Variants in PIK3CB observed in about 807,000 individuals in gnomAD.
PIK3CB encodes phosphatidylinositol-4,5-bisphosphate 3-kinase catalytic subunit beta.
In PIK3CB, 39 loss-of-function variants were observed where a neutral mutation model predicts 136.8. That is an observed-to-expected ratio of 0.29 (90% CI 0.22 to 0.37). PIK3CB has a LOEUF of 0.37. Among genes scored for constraint, PIK3CB ranks in the 10% least tolerant of loss-of-function variants. The pLI, the probability that PIK3CB is intolerant of heterozygous loss-of-function variation, is 1.00. For synonymous variants in PIK3CB, 428 were observed against 436.6 expected (o/e 0.98, Z 0.25); for missense variants, 868 against 1,275.4 (o/e 0.68, Z 4.87).
rs2043457803 is a variant in PIK3CB at position 138,668,339 on chromosome 3, C to T, written c.2505-3136G>A. The stretch of plus-strand genomic sequence containing the variant: ...TAACTTCCTTTTCAAAAGCAGGCAA[C>T]GATGAAAGCTTTCAGTGCCTTGAGG... On this transcript the variant is annotated intron_variant, in intron 19 of 23. Coordinates refer to ENST00000674063, the MANE Select transcript of PIK3CB (RefSeq NM_006219.3). Among the ~76,000 whole-genome samples, 3 of 152,202 alleles carry T rather than the reference C, an allele frequency of 2.0e-5. No individual in the cohort carries two copies. In the East Asian group the frequency reaches 5.8e-4, roughly 29 times the overall value.
chr3:138,798,060 G>A (rs1407284173), intron 1 of PIK3CB, among the ~76,000 whole-genome samples: 1 of 152,190 alleles, frequency 6.6e-6, no homozygotes, highest in Non-Finnish European at 1.5e-5. Flanking sequence ...AAGGTGGGAA[G>A]ACCAATTTGC....
chr3:138,827,427 G>A (rs967170840), intron 1 of PIK3CB, among the ~76,000 whole-genome samples: 6 of 152,120 alleles, frequency 3.9e-5, no homozygotes, highest in Non-Finnish European at 8.8e-5. Context: ...GGCCAAGGCA[G>A]GAAGATGGCT....
chr3:138,684,334 T>A (rs1200070739), intron 17 of PIK3CB, among the ~76,000 whole-genome samples: 2 of 152,232 alleles, frequency 1.3e-5, no homozygotes, highest in African/African-American at 4.8e-5. Context: ...AACATTTTGC[T>A]TATTAGGATT....
chr3:138,828,407 G>A (rs936705907), intron 1 of PIK3CB, among the ~76,000 whole-genome samples: 1 of 151,548 alleles, frequency 6.6e-6, no homozygotes, highest in African/African-American at 2.4e-5. Context: ...GGATGGTCTC[G>A]ATCTCCTGAC....
intron 1 of PIK3CB, among the ~76,000 whole-genome samples, chr3:138,800,592 C>T (rs1461741513): frequency 6.6e-6 from 1 of 151,494 alleles, no homozygotes; most frequent in Admixed American, 6.6e-5. Context: ...GCTGGCATTA[C>T]AGGCTTGAGC....
intron 4 of PIK3CB, among the ~76,000 whole-genome samples, chr3:138,752,680 G>C (rs530352040): frequency 6.6e-6 from 1 of 151,494 alleles, no homozygotes; most frequent in East Asian, 1.9e-4. Context: ...CTATGCTCCA[G>C]AGTGGGTGAT....
chr3:138,812,195 G>C (rs1416075139), intron 1 of PIK3CB, among the ~76,000 whole-genome samples: 1 of 151,574 alleles, frequency 6.6e-6, no homozygotes, highest in Non-Finnish European at 1.5e-5. Context: ...GGTTAGAAAG[G>C]GTGGGAGGGA....
chr3:138,677,681 GA>G (rs1373978694), intron 19 of PIK3CB, among the ~76,000 whole-genome samples: 3 of 152,314 alleles, frequency 2.0e-5, no homozygotes, highest in African/African-American at 7.2e-5. Flanking sequence ...CGGATCACCT[GA>G]AGTCGGGAGT....
chr3:138,713,706 TATAG>T (rs1249967938), intron 9 of PIK3CB, among the ~76,000 whole-genome samples: 7 of 151,968 alleles, frequency 4.6e-5, no homozygotes, highest in African/African-American at 1.7e-4. Flanking sequence ...CAAATTAATA[TATAG>T]ATAAATATAG....
intron 4 of PIK3CB, among the ~76,000 whole-genome samples, chr3:138,743,775 T>G (rs980867947): frequency 2.6e-5 from 4 of 151,598 alleles, no homozygotes; most frequent in African/African-American, 9.7e-5. Context: ...TTGTCCAAGT[T>G]GTCTTGAACT....
At chr3:138,681,046 TTTTTTG>T (rs2043765993) in intron 19 of PIK3CB, among the ~76,000 whole-genome samples, 1 of 147,538 alleles carries the variant, frequency 6.8e-6, no homozygotes, top group Non-Finnish European at 1.5e-5. Flanking sequence ...TGTTAGTTTT[TTTTTTG>T]TTTTTTTTTT....
intron 1 of PIK3CB, among the ~76,000 whole-genome samples, chr3:138,817,469 T>C (rs903113630): frequency 6.6e-6 from 1 of 152,072 alleles, no homozygotes; most frequent in Non-Finnish European, 1.5e-5. Context: ...TGAGCTGAGA[T>C]CATGCCATTG....
chr3:138,740,864 G>C (rs1024344573), intron 5 of PIK3CB, among the ~76,000 whole-genome samples: 4 of 151,982 alleles, frequency 2.6e-5, no homozygotes, highest in African/African-American at 7.3e-5. Context: ...ACCTGGTCTT[G>C]AACTCCTGGG....
At chr3:138,685,420 A>AAAAAAAAAAAAGAAAG (rs2043866681) in intron 16 of PIK3CB, among the ~76,000 whole-genome samples, 18 of 86,868 alleles carry the variant, frequency 2.1e-4, no homozygotes, top group Non-Finnish European at 3.0e-4. Flanking sequence ...AAAAAAAAAA[A>AAAAAAAAAAAAGAAAG]AAAGAAAGAA....
intron 2 of PIK3CB, among the ~76,000 whole-genome samples, chr3:138,779,711 A>G (rs199774092): frequency 9.3e-6 from 1 of 107,198 alleles, no homozygotes; most frequent in African/African-American, 3.1e-5. Flanking sequence ...TTTTTTTTTT[A>G]ATAGAGACAG....
At chr3:138,689,968 T>G (rs2043973473) in intron 15 of PIK3CB, among the ~76,000 whole-genome samples, 1 of 152,156 alleles carries the variant, frequency 6.6e-6, no homozygotes, top group Non-Finnish European at 1.5e-5. Context: ...CTATTCCAAT[T>G]TTTTTCTTAC....
At chr3:138,725,108 T>C (rs1399532149) in intron 8 of PIK3CB, among the ~76,000 whole-genome samples, 1 of 152,154 alleles carries the variant, frequency 6.6e-6, no homozygotes, top group Non-Finnish European at 1.5e-5. Flanking sequence ...CAGACTTCAC[T>C]TCTATGCAAT....
At position 138,657,850 on chromosome 3, in the gene PIK3CB, G is replaced by T; in HGVS notation, c.2797-15C>A. The T allele has an allele frequency of 6.2e-7, 1 of 1,600,668 alleles. No homozygotes were observed. Among genetic ancestry groups the T allele is most frequent in the Non-Finnish European group, 8.5e-7 (1 of 1,174,884 alleles). On this transcript the variant is annotated splice_polypyrimidine_tract_variant and intron_variant, in intron 21 of 23. Transcript: ENST00000674063. ...ATGTGGAAGAGCTGGAAAACAAATG[G>T]GATTTAATTTCCTTCATTTTTCTGG...
chr3:138,709,140 TGAG>T (rs1186813594), intron 10 of PIK3CB, among the ~76,000 whole-genome samples: 1 of 152,172 alleles, frequency 6.6e-6, no homozygotes, highest in African/African-American at 2.4e-5. Context: ...TACACGCTAT[TGAG>T]GAACAATTTG....
Sources: gnomAD v4.1 joint callset for allele counts (sites outside exome capture counted in the v4.1 genomes callset) on GRCh38, gnomAD v4.1.1 for gene constraint, MANE v1.5 for transcripts, NCBI Gene and HGNC (gene_info 2026-07-23, HGNC 2026-07-21) for gene names.